The following CCR5AS variants were observed in gnomAD, a reference collection of about 807,000 sequenced individuals.
The protein encoded by CCR5AS is CCR5 antisense RNA.
chr3:46,366,059 C>A (rs868137802), intron 3 of CCR5AS, among the ~76,000 whole-genome samples: 1 of 152,202 alleles, frequency 6.6e-6, no homozygotes, highest in South Asian at 2.1e-4. Context: ...CGCTTCCCCA[C>A]CAATCCTGCC....
intron 2 of CCR5AS, among the ~76,000 whole-genome samples, chr3:46,376,868 G>T (rs1325326575): frequency 3.3e-5 from 5 of 152,162 alleles, no homozygotes; most frequent in African/African-American, 1.2e-4. Context: ...ATGGGCAGCA[G>T]ATGCAAAAGC....
intron 1 of CCR5AS, among the ~76,000 whole-genome samples, chr3:46,400,087 G>A (rs540644250): frequency 6.6e-6 from 1 of 152,020 alleles, no homozygotes; most frequent in African/African-American, 2.4e-5. Flanking sequence ...TCTGCCTCCC[G>A]GGCTCAAGCA....
At chr3:46,375,441 A>AAAGCATTGAG in intron 2 of CCR5AS, 2 of 167,162 alleles carry the variant, frequency 1.2e-5, no homozygotes, top group Middle Eastern at 6.8e-3. Context: ...CAGGGATAGC[A>AAAGCATTGAG]CTGAGCAAAG....
chr3:46,382,175 C>T (rs35516519), intron 2 of CCR5AS, among the ~76,000 whole-genome samples: 10,329 of 152,256 alleles, frequency 0.068, 528 homozygotes, highest in South Asian at 0.2. Context: ...TCCATCTTCC[C>T]TTTTCTTTGT....
At chr3:46,365,932 T>C (rs549882890) in intron 3 of CCR5AS, among the ~76,000 whole-genome samples, 1 of 152,356 alleles carries the variant, frequency 6.6e-6, no homozygotes, top group African/African-American at 2.4e-5. Flanking sequence ...CCTGCTCAGC[T>C]TGTCTGCTGC....
At chr3:46,388,219 T>A (rs914659429) in intron 2 of CCR5AS, among the ~76,000 whole-genome samples, 1 of 152,056 alleles carries the variant, frequency 6.6e-6, no homozygotes, top group African/African-American at 2.4e-5. Flanking sequence ...GGAGAGATAA[T>A]GGGTGATGTT....
At chr3:46,377,668 G>A (rs373229290) in intron 2 of CCR5AS, among the ~76,000 whole-genome samples, 14 of 151,958 alleles carry the variant, frequency 9.2e-5, no homozygotes, top group African/African-American at 3.1e-4. Context: ...TACCCTGGGG[G>A]CTAGAAGCAG....
At chr3:46,374,000 G>A (rs750032774) in intron 2 of CCR5AS, 5 of 1,465,572 alleles carry the variant, frequency 3.4e-6, no homozygotes, top group East Asian at 4.6e-5. Flanking sequence ...TCAGAGTTGT[G>A]CACATGGCTT....
chr3:46,400,995 G>T (rs1390348960), intron 1 of CCR5AS, among the ~76,000 whole-genome samples: 1 of 152,178 alleles, frequency 6.6e-6, no homozygotes, highest in Non-Finnish European at 1.5e-5. Context: ...AATGTTTTTG[G>T]CATAAATCAA....
At chr3:46,396,002 T>C (rs1326476656) in intron 1 of CCR5AS, among the ~76,000 whole-genome samples, 7 of 152,072 alleles carry the variant, frequency 4.6e-5, no homozygotes, top group African/African-American at 1.7e-4. Context: ...GGACTGTCCT[T>C]GGGGGAGACG....
At chr3:46,373,646 G>T (rs777351934) in intron 2 of CCR5AS, 1 of 1,613,994 alleles carries the variant, frequency 6.2e-7, no homozygotes, top group Non-Finnish European at 8.5e-7. Context: ...TTCTCTTCTG[G>T]GCTCCCTACA....
intron 3 of CCR5AS, among the ~76,000 whole-genome samples, chr3:46,367,708 C>T (rs1429898451): frequency 6.6e-6 from 1 of 152,092 alleles, no homozygotes; most frequent in African/African-American, 2.4e-5. Flanking sequence ...GTAGCTGGGA[C>T]TATAGGGGCG....
intron 2 of CCR5AS, chr3:46,372,842 C>A: frequency 7.4e-7 from 1 of 1,358,186 alleles, no homozygotes; most frequent in Non-Finnish European, 1.0e-6. Context: ...TGGAGGGCAA[C>A]TAAATACATT....
chr3:46,382,558 A>G (rs556552529), intron 2 of CCR5AS, among the ~76,000 whole-genome samples: 3 of 152,334 alleles, frequency 2.0e-5, no homozygotes. Flanking sequence ...CTGCTTCATT[A>G]CTAATAGCAA....
intron 2 of CCR5AS, among the ~76,000 whole-genome samples, chr3:46,380,903 C>G (rs1326743388): frequency 1.3e-5 from 2 of 151,934 alleles, no homozygotes; most frequent in Admixed American, 1.3e-4. Context: ...GCCTGTTGGA[C>G]TGACAGCAAG....
At position 46,373,924 on chromosome 3, in the gene CCR5AS, G is replaced by A. The variant is rs751446924; in HGVS notation, n.392-2507C>T. 34 of 1,587,024 alleles carry A rather than the reference G, an allele frequency of 2.1e-5. No individual in the cohort carries two copies. The highest frequency in any genetic ancestry group is 1.2e-4 in the Admixed American group (7 of 57,424). The stretch of plus-strand genomic sequence containing the variant: ...GAGCGAGCAAGCTCAGTTTACACCC[G>A]ATCCACTGGGGAGCAGGAAATATCT... On this transcript the variant is annotated intron_variant and non_coding_transcript_variant, in intron 2 of 3. Transcript: ENST00000451485.
intron 1 of CCR5AS, among the ~76,000 whole-genome samples, chr3:46,396,823 C>T (rs1328652505): frequency 6.6e-6 from 1 of 152,170 alleles, no homozygotes; most frequent in East Asian, 1.9e-4. Context: ...AAGCCCTCCC[C>T]ACAAGTCTGC....
intron 2 of CCR5AS, chr3:46,372,921 A>G: frequency 6.3e-7 from 1 of 1,593,146 alleles, no homozygotes; most frequent in Non-Finnish European, 8.6e-7. Flanking sequence ...TCAAGTGTCA[A>G]GTCCAATCTA....
chr3:46,384,422 C>T (rs1022257374), intron 2 of CCR5AS, among the ~76,000 whole-genome samples: 1 of 152,222 alleles, frequency 6.6e-6, no homozygotes, highest in Non-Finnish European at 1.5e-5. Context: ...GCACAGCTGC[C>T]GGCATTCACT....
Sources: gnomAD v4.1 joint callset for allele counts (sites outside exome capture counted in the v4.1 genomes callset) on GRCh38, gnomAD v4.1.1 for gene constraint, MANE v1.5 for transcripts, NCBI Gene and HGNC (gene_info 2026-07-23, HGNC 2026-07-21) for gene names.